Variants in TCF7L2 observed in about 807,000 individuals in gnomAD.
TCF7L2 encodes the protein transcription factor 7-like 2.
A neutral mutation model predicts 77.9 loss-of-function variants in TCF7L2; 23 were observed. The observed-to-expected ratio is 0.30, with a 90% CI of 0.21 to 0.42. TCF7L2 has a LOEUF of 0.42. Among genes scored for constraint, TCF7L2 ranks in the 10% least tolerant of loss-of-function variants. The pLI is 1.00. For missense variants in TCF7L2, 654 were observed against 793.1 expected, an observed-to-expected ratio of 0.82 and a Z score of 2.11; for synonymous variants, 413 against 340.2, an observed-to-expected ratio of 1.21 and a Z score of -2.36.
At chr10:112,965,020 G>A (rs1036581659) in intron 4 of TCF7L2, among the ~76,000 whole-genome samples, 12 of 152,050 alleles carry the variant, frequency 7.9e-5, no homozygotes, top group African/African-American at 2.2e-4. Context: ...GGAGTAAAAC[G>A]GGGTGGCACA....
chr10:113,160,796 T>C, intron 13 of TCF7L2: 1 of 1,039,662 alleles, frequency 9.6e-7, no homozygotes, highest in Non-Finnish European at 1.4e-6. Flanking sequence ...ACTTCCCCTC[T>C]GGCATCAATG....
chr10:113,142,075 G>T (rs2068484624), intron 6 of TCF7L2, among the ~76,000 whole-genome samples: 3 of 152,168 alleles, frequency 2.0e-5, no homozygotes, highest in African/African-American at 7.2e-5. Context: ...CACAATTTTG[G>T]CTCCCTGCAA....
intron 4 of TCF7L2, among the ~76,000 whole-genome samples, chr10:113,018,444 CTTTTTTTTTTTTTT>C (rs35916053): frequency 1.1e-5 from 1 of 92,548 alleles, no homozygotes; most frequent in Admixed American, 1.2e-4. Flanking sequence ...CTCCTGAGTC[CTTTTTTTTTTTTTT>C]TTTTTTTTTT....
chr10:113,028,032 G>C (rs572099360), intron 4 of TCF7L2, among the ~76,000 whole-genome samples: 1 of 152,196 alleles, frequency 6.6e-6, no homozygotes, highest in Non-Finnish European at 1.5e-5. Context: ...ATCTTTTACT[G>C]TGCCTAATGG....
chr10:113,105,983 T>TGTGGG (rs773227973), intron 5 of TCF7L2, among the ~76,000 whole-genome samples: 1 of 152,272 alleles, frequency 6.6e-6, no homozygotes, highest in South Asian at 2.1e-4. Context: ...GGGACTGTCC[T>TGTGGG]GTGGGTAAGG....
chr10:113,148,416 G>C (rs1267325576), intron 8 of TCF7L2, among the ~76,000 whole-genome samples: 1 of 152,186 alleles, frequency 6.6e-6, no homozygotes, highest in Non-Finnish European at 1.5e-5. Flanking sequence ...ACAAGTGCAA[G>C]GGGGAAAATG....
intron 5 of TCF7L2, among the ~76,000 whole-genome samples, chr10:113,135,821 T>C (rs2067305748): frequency 6.6e-6 from 1 of 152,058 alleles, no homozygotes. Context: ...TCCACCTAAT[T>C]TGGGGTTTAG....
intron 5 of TCF7L2, among the ~76,000 whole-genome samples, chr10:113,076,934 A>G (rs776736823): frequency 1.3e-5 from 2 of 152,222 alleles, no homozygotes; most frequent in African/African-American, 4.8e-5. Context: ...CCTGAATTTC[A>G]TGCTATTAAG....
At chr10:113,000,247 A>G (rs766094864) in intron 4 of TCF7L2, among the ~76,000 whole-genome samples, 9 of 152,090 alleles carry the variant, frequency 5.9e-5, no homozygotes, top group Non-Finnish European at 1.2e-4. Flanking sequence ...GGGTGTAGGC[A>G]CCATCTTGGG....
At chr10:113,019,010 A>C (rs961086406) in intron 4 of TCF7L2, among the ~76,000 whole-genome samples, 1 of 152,166 alleles carries the variant, frequency 6.6e-6, no homozygotes, top group African/African-American at 2.4e-5. Flanking sequence ...GGGAGGGACA[A>C]ATCTTGGGAG....
intron 4 of TCF7L2, among the ~76,000 whole-genome samples, chr10:113,012,644 C>G (rs1041097765): frequency 6.6e-6 from 1 of 152,128 alleles, no homozygotes; most frequent in Non-Finnish European, 1.5e-5. Flanking sequence ...TAAGGAGCTG[C>G]AGGAAGGCCT....
intron 5 of TCF7L2, among the ~76,000 whole-genome samples, chr10:113,078,913 A>C (rs1398909206): frequency 6.7e-6 from 1 of 149,254 alleles, no homozygotes; most frequent in South Asian, 2.2e-4. Flanking sequence ...TCTCACTGCA[A>C]CCTCCGCCTC....
At chr10:113,111,571 C>A (rs2136104943) in intron 5 of TCF7L2, among the ~76,000 whole-genome samples, 1 of 152,320 alleles carries the variant, frequency 6.6e-6, no homozygotes, top group African/African-American at 2.4e-5. Flanking sequence ...GCAGGAGGAT[C>A]ACTTGAGCCC....
intron 5 of TCF7L2, among the ~76,000 whole-genome samples, chr10:113,068,225 T>A (rs886868029): frequency 7.2e-5 from 11 of 152,232 alleles, no homozygotes; most frequent in African/African-American, 2.7e-4. Flanking sequence ...ACCTTCCTAT[T>A]TTGAATAAAG....
intron 4 of TCF7L2, among the ~76,000 whole-genome samples, chr10:113,007,136 A>G (rs1265432792): frequency 1.3e-5 from 2 of 152,172 alleles, no homozygotes; most frequent in Non-Finnish European, 2.9e-5. Flanking sequence ...AGTTTGTTGG[A>G]TGATTGGATG....
intron 5 of TCF7L2, among the ~76,000 whole-genome samples, chr10:113,078,847 T>G (rs560093636): frequency 6.6e-6 from 1 of 152,120 alleles, no homozygotes; most frequent in African/African-American, 2.4e-5. Flanking sequence ...TTTTTTTTTT[T>G]TCTGAGATGG....
chr10:113,153,500 G>A (rs1465982641), intron 11 of TCF7L2, among the ~76,000 whole-genome samples: 3 of 152,204 alleles, frequency 2.0e-5, no homozygotes, highest in Non-Finnish European at 1.5e-5. Context: ...CATCATCCGC[G>A]GTGAAGCAGC....
chr10:113,141,066 C>A, intron 5 of TCF7L2, 118 bp from the exon 6 acceptor site: 1 of 1,275,990 alleles, frequency 7.8e-7, no homozygotes, highest in Non-Finnish European at 1.1e-6. Flanking sequence ...GAGTTGAGTG[C>A]ATCTTAGAAA....
chr10:112,956,004 C>A (rs1400583239), intron 3 of TCF7L2, among the ~76,000 whole-genome samples: 1 of 151,512 alleles, frequency 6.6e-6, no homozygotes, highest in Non-Finnish European at 1.5e-5. Flanking sequence ...GTGGAGAAAT[C>A]CTGGTGCAAC....
Sources: allele counts gnomAD v4.1 joint callset (sites outside exome capture counted in the v4.1 genomes callset), GRCh38; gene constraint gnomAD v4.1.1; transcripts MANE v1.5; gene names NCBI Gene and HGNC (gene_info 2026-07-23, HGNC 2026-07-21).